The following WWOX variants were observed in gnomAD, a reference collection of about 807,000 sequenced individuals.
The protein encoded by WWOX is WW domain containing oxidoreductase, also known as WW domain-containing oxidoreductase.
Under a neutral mutation model 46.2 loss-of-function variants are expected in WWOX, and 69 were observed. That is an observed-to-expected ratio of 1.49 (90% CI 1.23 to 1.82). The LOEUF (loss-of-function observed/expected upper bound fraction) is 1.82. Ranked by LOEUF, WWOX falls within the 40% of genes most tolerant of loss-of-function variation. WWOX has a pLI of 0.00. For synonymous variants in WWOX, 359 were observed against 202.6 expected, an observed-to-expected ratio of 1.77 and a Z score of -6.56; for missense variants, 919 against 542.6, an observed-to-expected ratio of 1.69 and a Z score of -6.89.
chr16:78,189,244 A>G (rs1287187548), intron 5 of WWOX, among the ~76,000 whole-genome samples: 1 of 152,156 alleles, frequency 6.6e-6, no homozygotes, highest in Non-Finnish European at 1.5e-5. Flanking sequence ...TAACAGCAAG[A>G]TCTTCAGAGC....
At chr16:78,485,323 G>A (rs56147505) in intron 8 of WWOX, among the ~76,000 whole-genome samples, 22,142 of 151,938 alleles carry the variant, frequency 0.15, 1,855 homozygotes, top group African/African-American at 0.24. Flanking sequence ...GTTGATGTTC[G>A]ATTTTGGCTC....
At chr16:78,948,171 C>T (rs139461703) in intron 8 of WWOX, among the ~76,000 whole-genome samples, 14 of 152,258 alleles carry the variant, frequency 9.2e-5, no homozygotes, top group East Asian at 7.7e-4. Flanking sequence ...CACCTGCCTC[C>T]GTGGTTTGTC....
At chr16:79,054,314 C>T (rs565636876) in intron 8 of WWOX, among the ~76,000 whole-genome samples, 18 of 152,304 alleles carry the variant, frequency 1.2e-4, no homozygotes, top group South Asian at 1.0e-3. Context: ...ACATATCCCC[C>T]AGCTATCCCG....
chr16:78,382,485 T>C (rs1490077884), intron 5 of WWOX, among the ~76,000 whole-genome samples: 2 of 152,186 alleles, frequency 1.3e-5, no homozygotes, highest in African/African-American at 4.8e-5. Flanking sequence ...GTTATTCTAA[T>C]TAATGGAGAT....
rs534491739 is a variant in WWOX at position 78,847,740 on chromosome 16, G to C, written c.1057-363868G>C. Among the ~76,000 whole-genome samples the C allele has an allele frequency of 4.0e-5, 6 of 151,126 alleles. No homozygotes were observed. In the South Asian group the frequency reaches 1.3e-3, roughly 32 times the overall value. On this transcript the variant is annotated intron_variant, in intron 8 of 8. Coordinates refer to ENST00000566780, the MANE Select transcript of WWOX (RefSeq NM_016373.4). ...CAACTAAAGGCTAGGATTTGGGGAA[G>C]GTATGGTAAATTGTAAAAATGGTAG...
chr16:78,715,821 C>G (rs1026508568), intron 8 of WWOX, among the ~76,000 whole-genome samples: 1 of 152,176 alleles, frequency 6.6e-6, no homozygotes, highest in Non-Finnish European at 1.5e-5. Flanking sequence ...TTTCTAGAAT[C>G]TATCAACTCC....
intron 5 of WWOX, among the ~76,000 whole-genome samples, chr16:78,182,009 T>TAA (rs2035546236): frequency 6.6e-6 from 1 of 152,194 alleles, no homozygotes; most frequent in Admixed American, 6.5e-5. Flanking sequence ...AAAAACTTGC[T>TAA]AACGTCATCA....
chr16:78,387,835 G>C lies in WWOX; in HGVS notation c.605+887G>C, dbSNP rs543072796. On this transcript the variant is annotated intron_variant, in intron 6 of 8. Coordinates refer to ENST00000566780, the MANE Select transcript of WWOX (RefSeq NM_016373.4). Reference sequence around the variant, plus strand: ...TGAGGATTAAGTTAATAATAGCACAGGTTGTGCGAAGGATAAGATAATTAC... The same window carrying C: ...TGAGGATTAAGTTAATAATAGCACACGTTGTGCGAAGGATAAGATAATTAC... Among the ~76,000 whole-genome samples, 14 of 152,192 alleles carry C rather than the reference G, an allele frequency of 9.2e-5. No homozygotes were observed. In the South Asian group the frequency reaches 2.9e-3, roughly 32 times the overall value.
At chr16:78,110,066 G>A (rs1451988582) in intron 3 of WWOX, among the ~76,000 whole-genome samples, 1 of 151,810 alleles carries the variant, frequency 6.6e-6, no homozygotes. Flanking sequence ...GGGAGGCCAG[G>A]CATGGTGGCT....
At chr16:78,223,868 A>G (rs192784881) in intron 5 of WWOX, among the ~76,000 whole-genome samples, 120 of 152,338 alleles carry the variant, frequency 7.9e-4, no homozygotes, top group African/African-American at 2.6e-3. Context: ...TAGAATCCAT[A>G]TGTCTAAGGT....
intron 8 of WWOX, among the ~76,000 whole-genome samples, chr16:78,588,250 G>T (rs1287578956): frequency 6.6e-6 from 1 of 152,214 alleles, no homozygotes; most frequent in Non-Finnish European, 1.5e-5. Flanking sequence ...ACTTGAACAG[G>T]TTCTTGCAGT....
Position 78,614,438 on chromosome 16 carries a change from C to T in WWOX, c.1056+181686C>T, listed in dbSNP as rs190026721. Among the ~76,000 whole-genome samples the T allele has an allele frequency of 5.9e-5, 9 of 152,354 alleles. No homozygotes were observed. In the East Asian group the frequency reaches 1.5e-3, roughly 26 times the overall value. On this transcript the variant is annotated intron_variant, in intron 8 of 8. Coordinates refer to ENST00000566780, the MANE Select transcript of WWOX (RefSeq NM_016373.4). ...TTGAGCCGGGGCCCTGAGGTATCTC[C>T]TATACTCTGGCTGGGGTGAGGGCGG... is the stretch of plus-strand genomic sequence containing the variant.
intron 8 of WWOX, among the ~76,000 whole-genome samples, chr16:78,539,440 T>A (rs1271838117): frequency 1.3e-5 from 2 of 152,210 alleles, no homozygotes; most frequent in East Asian, 3.8e-4. Flanking sequence ...TAGAGTAGAA[T>A]TTTAAAGAGT....
At chr16:78,577,800 A>G (rs1229703256) in intron 8 of WWOX, among the ~76,000 whole-genome samples, 1 of 152,126 alleles carries the variant, frequency 6.6e-6, no homozygotes, top group East Asian at 1.9e-4. Flanking sequence ...GGTAATGTCA[A>G]TGACATGACT....
intron 8 of WWOX, among the ~76,000 whole-genome samples, chr16:78,963,300 C>G (rs375958469): frequency 6.1e-4 from 93 of 151,404 alleles, no homozygotes; most frequent in Middle Eastern, 3.4e-3. Context: ...GAGGCCTTAT[C>G]TCTTCAAAAA....
chr16:78,788,549 G>T (rs1280849114), intron 8 of WWOX, among the ~76,000 whole-genome samples: 2 of 152,200 alleles, frequency 1.3e-5, no homozygotes, highest in East Asian at 1.9e-4. Flanking sequence ...CTGAAGACAA[G>T]GAGGTTCCTG....
intron 8 of WWOX, among the ~76,000 whole-genome samples, chr16:78,883,095 A>C (rs1043430699): frequency 6.6e-6 from 1 of 152,180 alleles, no homozygotes; most frequent in African/African-American, 2.4e-5. Context: ...GGTCCAGAAA[A>C]GGGTAGATAT....
rs570949280 is a variant in WWOX at position 78,750,174 on chromosome 16, A to G, written c.1056+317422A>G. 3.3e-5 allele frequency among the ~76,000 whole-genome samples: 5 copies of G among 152,364 alleles called. No homozygotes were observed. The East Asian group carries it at 7.7e-4, about 24-fold the overall frequency. On this transcript the variant is annotated intron_variant, in intron 8 of 8. Coordinates refer to ENST00000566780, the MANE Select transcript of WWOX (RefSeq NM_016373.4). ...CCTCGGTGAAAGTAGAGGTGTTTGT[A>G]CAGTTCAGCTGCTGCCTTATTCAAA... is the stretch of plus-strand genomic sequence containing the variant.
intron 8 of WWOX, among the ~76,000 whole-genome samples, chr16:78,534,166 T>C (rs1020190970): frequency 3.3e-5 from 5 of 152,240 alleles, no homozygotes; most frequent in Admixed American, 1.3e-4. Context: ...ACATCCTCGA[T>C]GTATTAGCTA....
Sources: gnomAD v4.1 joint callset for allele counts (sites outside exome capture counted in the v4.1 genomes callset) on GRCh38, gnomAD v4.1.1 for gene constraint, MANE v1.5 for transcripts, NCBI Gene and HGNC (gene_info 2026-07-23, HGNC 2026-07-21) for gene names.